Variants in IMMP2L observed in about 807,000 individuals in gnomAD.
IMMP2L encodes mitochondrial inner membrane protease subunit 2.
IMMP2L carries 18 observed loss-of-function variants against 19.3 expected under a neutral mutation model. That is an observed-to-expected ratio of 0.93 (90% confidence interval 0.64 to 1.38). IMMP2L has a LOEUF of 1.38. Among genes scored for constraint, IMMP2L ranks in the 40% most tolerant of loss-of-function variants. The pLI is 0.00. For synonymous variants in IMMP2L, 76 were observed against 73.0 expected (o/e 1.04, Z -0.21); for missense variants, 233 against 218.2 (o/e 1.07, Z -0.43).
intron 5 of IMMP2L, among the ~76,000 whole-genome samples, chr7:110,822,423 T>C (rs761645680): frequency 2.0e-5 from 3 of 152,124 alleles, no homozygotes; most frequent in Non-Finnish European, 4.4e-5. Flanking sequence ...CCTCATACTT[T>C]AGCATAAGTT....
intron 5 of IMMP2L, among the ~76,000 whole-genome samples, chr7:110,857,655 T>C (rs542969632): frequency 6.6e-6 from 1 of 152,224 alleles, no homozygotes; most frequent in South Asian, 2.1e-4. Context: ...ATTAGTCTTA[T>C]GAGTACTCAA....
At chr7:111,208,412 C>T (rs1402814112) in intron 3 of IMMP2L, among the ~76,000 whole-genome samples, 1 of 152,036 alleles carries the variant, frequency 6.6e-6, no homozygotes, top group African/African-American at 2.4e-5. Context: ...ATTAATAGAC[C>T]CTTTAAATTA....
chr7:110,992,291 T>C (rs1822564711), intron 3 of IMMP2L, among the ~76,000 whole-genome samples: 1 of 152,026 alleles, frequency 6.6e-6, no homozygotes, highest in African/African-American at 2.4e-5. Context: ...AAGTAAATAT[T>C]TCCTATGGTT....
At chr7:110,897,165 T>C (rs1811407645) in intron 4 of IMMP2L, among the ~76,000 whole-genome samples, 1 of 152,088 alleles carries the variant, frequency 6.6e-6, no homozygotes, top group Admixed American at 6.6e-5. Flanking sequence ...TAAAATAACA[T>C]ACGAAAATAC....
chr7:111,198,439 G>A (rs973867277), intron 3 of IMMP2L, among the ~76,000 whole-genome samples: 1 of 152,088 alleles, frequency 6.6e-6, no homozygotes, highest in Non-Finnish European at 1.5e-5. Flanking sequence ...ATGGGCTGCT[G>A]TGTGGATCAA....
At chr7:111,426,011 A>T (rs1473350342) in intron 3 of IMMP2L, among the ~76,000 whole-genome samples, 1 of 151,228 alleles carries the variant, frequency 6.6e-6, no homozygotes, top group African/African-American at 2.4e-5. Flanking sequence ...GATATACATT[A>T]ACTGCTATAA....
chr7:111,002,837 T>C (rs550086976), intron 3 of IMMP2L, among the ~76,000 whole-genome samples: 12 of 152,266 alleles, frequency 7.9e-5, no homozygotes, highest in African/African-American at 2.2e-4. Context: ...ACCACACTTG[T>C]AGTCTGTTTT....
chr7:110,815,512 T>C (rs1802421924), intron 5 of IMMP2L, among the ~76,000 whole-genome samples: 1 of 152,176 alleles, frequency 6.6e-6, no homozygotes, highest in African/African-American at 2.4e-5. Flanking sequence ...CCTCTTTTTC[T>C]ATTGATTGGA....
At chr7:111,214,472 A>AGCT (rs1315797373) in intron 3 of IMMP2L, among the ~76,000 whole-genome samples, 1 of 133,160 alleles carries the variant, frequency 7.5e-6, no homozygotes, top group Non-Finnish European at 1.6e-5. Flanking sequence ...CCTCCCTAGT[A>AGCT]GCTGGAATTA....
intron 2 of IMMP2L, among the ~76,000 whole-genome samples, chr7:111,490,344 C>G (rs1842994744): frequency 6.7e-6 from 1 of 150,110 alleles, no homozygotes; most frequent in Non-Finnish European, 1.5e-5. Flanking sequence ...GTCTTGAACT[C>G]CTGACCTCAA....
At chr7:110,897,732 A>G (rs534500308) in intron 4 of IMMP2L, among the ~76,000 whole-genome samples, 2 of 152,320 alleles carry the variant, frequency 1.3e-5, no homozygotes, top group South Asian at 4.1e-4. Flanking sequence ...TGTCCATACC[A>G]TGGAATGCTA....
At chr7:110,898,134 T>C (rs1158650185) in intron 4 of IMMP2L, among the ~76,000 whole-genome samples, 4 of 151,364 alleles carry the variant, frequency 2.6e-5, no homozygotes, top group African/African-American at 9.7e-5. Context: ...GTAATTACAA[T>C]AGACATAAAA....
chr7:110,890,284 A>C (rs1391638675), intron 4 of IMMP2L, among the ~76,000 whole-genome samples: 1 of 152,038 alleles, frequency 6.6e-6, no homozygotes, highest in Non-Finnish European at 1.5e-5. Context: ...AGTATACTCT[A>C]TTTGTGTTTT....
chr7:111,102,842 T>TA (rs768063347), intron 3 of IMMP2L, among the ~76,000 whole-genome samples: 85 of 151,702 alleles, frequency 5.6e-4, no homozygotes, highest in Admixed American at 4.3e-3. Context: ...ATAATATGTA[T>TA]AAAATAATTA....
At chr7:110,674,420 A>G (rs1197207577) in intron 5 of IMMP2L, among the ~76,000 whole-genome samples, 1 of 152,214 alleles carries the variant, frequency 6.6e-6, no homozygotes, top group African/African-American at 2.4e-5. Flanking sequence ...AAGATGATCA[A>G]TGTCAGGTGT....
chr7:111,154,828 G>T (rs1208618915), intron 3 of IMMP2L, among the ~76,000 whole-genome samples: 1 of 152,090 alleles, frequency 6.6e-6, no homozygotes, highest in Non-Finnish European at 1.5e-5. Flanking sequence ...TGTGACCATG[G>T]TTCATTGCAG....
At chr7:111,178,435 A>T (rs1182257893) in intron 3 of IMMP2L, among the ~76,000 whole-genome samples, 3 of 152,068 alleles carry the variant, frequency 2.0e-5, no homozygotes, top group Non-Finnish European at 4.4e-5. Context: ...GGTAGCTGTA[A>T]CAATTTTCTT....
At chr7:110,816,871 A>G (rs1032482284) in intron 5 of IMMP2L, among the ~76,000 whole-genome samples, 2 of 152,016 alleles carry the variant, frequency 1.3e-5, no homozygotes, top group African/African-American at 2.4e-5. Flanking sequence ...TCTGCACGTG[A>G]GATGGGTTTC....
intron 3 of IMMP2L, among the ~76,000 whole-genome samples, chr7:111,185,228 C>T (rs1808136349): frequency 6.6e-6 from 1 of 152,174 alleles, no homozygotes; most frequent in Admixed American, 6.5e-5. Flanking sequence ...AACAAAAATA[C>T]TGAGACATAA....
Sources: gnomAD v4.1 joint callset for allele counts (sites outside exome capture counted in the v4.1 genomes callset) on GRCh38, gnomAD v4.1.1 for gene constraint, MANE v1.5 for transcripts, NCBI Gene and HGNC (gene_info 2026-07-23, HGNC 2026-07-21) for gene names.